The following RALGAPA2 variants were observed in gnomAD, a reference collection of about 807,000 sequenced individuals.
RALGAPA2 encodes Ral GTPase activating protein catalytic subunit alpha 2.
RALGAPA2 carries 139 observed loss-of-function variants against 230.4 expected under a neutral mutation model. The ratio of observed to expected loss-of-function variants is 0.60; its 90% CI spans 0.53 to 0.69. The LOEUF is 0.69. Ranked by LOEUF, RALGAPA2 falls within the 30% of genes least tolerant of loss-of-function variation. RALGAPA2 has a pLI of 0.00. For synonymous variants in RALGAPA2, 847 were observed against 837.8 expected, an observed-to-expected ratio of 1.01 and a Z score of -0.19; for missense variants, 2,163 against 2,276.0, an observed-to-expected ratio of 0.95 and a Z score of 1.01.
chr20:20,648,104 T>C (rs2067276450), intron 4 of RALGAPA2, among the ~76,000 whole-genome samples: 1 of 152,018 alleles, frequency 6.6e-6, no homozygotes, highest in Non-Finnish European at 1.5e-5. Flanking sequence ...AATACCTGAA[T>C]AAATTATGGA....
chr20:20,647,027 C>T (rs1488493865), intron 4 of RALGAPA2, among the ~76,000 whole-genome samples: 1 of 151,912 alleles, frequency 6.6e-6, no homozygotes, highest in East Asian at 1.9e-4. Flanking sequence ...ACTTTCCTGG[C>T]TCTGAAGAAA....
intron 36 of RALGAPA2, among the ~76,000 whole-genome samples, chr20:20,485,022 G>C (rs1176062574): frequency 6.6e-6 from 1 of 151,958 alleles, no homozygotes; most frequent in African/African-American, 2.4e-5. Context: ...CACAAATTCG[G>C]AACTTTCTTA....
intron 33 of RALGAPA2, 59 bp from the exon 34 acceptor site, chr20:20,505,593 A>G: frequency 7.3e-7 from 1 of 1,370,470 alleles, no homozygotes; most frequent in Non-Finnish European, 9.8e-7. Flanking sequence ...TTACTTCACT[A>G]CTATTAATAC....
chr20:20,518,804 G>A (rs573867986), intron 31 of RALGAPA2, among the ~76,000 whole-genome samples: 1 of 152,102 alleles, frequency 6.6e-6, no homozygotes, highest in East Asian at 1.9e-4. Context: ...CATGTTTTGG[G>A]GATATACTCA....
intron 38 of RALGAPA2, among the ~76,000 whole-genome samples, chr20:20,409,982 T>C (rs887798755): frequency 7.2e-5 from 11 of 152,236 alleles, no homozygotes; most frequent in African/African-American, 2.7e-4. Flanking sequence ...CCATGAACAC[T>C]ATGAAATGTA....
At chr20:20,608,962 G>C (rs2065901534) in intron 14 of RALGAPA2, among the ~76,000 whole-genome samples, 2 of 152,168 alleles carry the variant, frequency 1.3e-5, no homozygotes, top group Non-Finnish European at 2.9e-5. Context: ...ATGCCAAAAA[G>C]CTCATCCTCT....
At chr20:20,474,926 C>T (rs571590586) in intron 36 of RALGAPA2, among the ~76,000 whole-genome samples, 2 of 152,214 alleles carry the variant, frequency 1.3e-5, no homozygotes, top group South Asian at 2.1e-4. Context: ...AGAAAAGAGA[C>T]TCAATGACTA....
At chr20:20,694,716 C>T (rs772914251) in intron 1 of RALGAPA2, among the ~76,000 whole-genome samples, 1 of 152,140 alleles carries the variant, frequency 6.6e-6, no homozygotes, top group Non-Finnish European at 1.5e-5. Context: ...GTCAAAAACA[C>T]AGTGTTAGAC....
chr20:20,622,179 G>T (rs896381269), intron 10 of RALGAPA2, among the ~76,000 whole-genome samples: 2 of 151,638 alleles, frequency 1.3e-5, no homozygotes, highest in Non-Finnish European at 2.9e-5. Context: ...ACTATGAAGA[G>T]ATAAAAGAAT....
At chr20:20,438,027 CATGGG>C (rs2060652474) in intron 37 of RALGAPA2, among the ~76,000 whole-genome samples, 1 of 152,200 alleles carries the variant, frequency 6.6e-6, no homozygotes, top group Non-Finnish European at 1.5e-5. Context: ...CAATGGACCC[CATGGG>C]GATCTTCTGG....
chr20:20,510,315 CCTT>C (rs562798635), intron 33 of RALGAPA2, among the ~76,000 whole-genome samples: 59 of 152,316 alleles, frequency 3.9e-4, no homozygotes, highest in Admixed American at 7.8e-4. Flanking sequence ...TTCCTTTCTT[CCTT>C]CTTACTTCTC....
Position 20,513,157 on chromosome 20 carries a change from C to T in RALGAPA2, c.4212G>A (p.Glu1404=). ...CTTCCACATGGGCATTGTCATGGTT[C>T]TCGCTGACAAGGCTGTGCAGTATGG... ...GPAILHSLVS[E]NHDNAHVEGS... Residue 1404 remains glutamate (E), a synonymous_variant, in exon 32 of 40, where the codon GAG becomes GAA. Transcript: ENST00000202677. The T allele has an allele frequency of 1.9e-6, 3 of 1,555,964 alleles. No homozygotes were observed. The highest frequency in any genetic ancestry group is 2.6e-6 in the Non-Finnish European group (3 of 1,154,964).
At chr20:20,649,898 G>A (rs953024515) in intron 4 of RALGAPA2, among the ~76,000 whole-genome samples, 21 of 152,282 alleles carry the variant, frequency 1.4e-4, no homozygotes, top group South Asian at 1.0e-3. Context: ...GCCCAGAAAT[G>A]AGATGTCAAG....
intron 18 of RALGAPA2, among the ~76,000 whole-genome samples, chr20:20,585,640 C>A (rs1402118764): frequency 6.6e-6 from 1 of 152,150 alleles, no homozygotes; most frequent in Non-Finnish European, 1.5e-5. Flanking sequence ...CTGTTCAAGA[C>A]AGCAATGGAC....
Position 20,472,956 on chromosome 20 carries a change from C to A in RALGAPA2, c.5368G>T (p.Val1790Phe), listed in dbSNP as rs866502917. ...FFIAITKKPEVPFFGPLFDGA... is the reference protein window; with the variant it reads ...FFIAITKKPEFPFFGPLFDGA... ...TCAAACAGAGGCCCAAAAAATGGAA[C>A]CTGTTGATTTGAAATGGAAAAACAA... The change falls in exon 37 of 40, where the codon GTT becomes TTT. Residue 1790 changes from valine to phenylalanine, a missense_variant and splice_region_variant. Transcript: ENST00000202677. 1.3e-6 allele frequency: 2 copies of A among 1,591,068 alleles called. No homozygotes were observed. The highest frequency in any genetic ancestry group is 1.4e-5 in the African/African-American group (1 of 73,230).
At chr20:20,573,873 T>A (rs1207554579) in intron 20 of RALGAPA2, among the ~76,000 whole-genome samples, 1 of 152,242 alleles carries the variant, frequency 6.6e-6, no homozygotes, top group Non-Finnish European at 1.5e-5. Flanking sequence ...TTTTTGGCAA[T>A]TATGAATACA....
At chr20:20,543,526 T>C (rs532090180) in intron 24 of RALGAPA2, among the ~76,000 whole-genome samples, 1 of 152,294 alleles carries the variant, frequency 6.6e-6, no homozygotes, top group East Asian at 1.9e-4. Context: ...GTGGCACATA[T>C]ACACCATGGA....
At position 20,712,606 on chromosome 20, in the gene RALGAPA2, C is replaced by T. The variant is rs910939139; in HGVS notation, c.-126G>A. ...TCGCCGCCCCCAGCCCCGCTGCTGC[C>T]GCCGCCGCCGCCGCCGCCGCCGCCT... On this transcript the variant is annotated 5_prime_UTR_variant, in exon 1 of 40. Coordinates refer to ENST00000202677, the MANE Select transcript of RALGAPA2 (RefSeq NM_020343.4). This position sits in a 1 kb window ranked among gnomAD's most constrained non-coding sequence, Gnocchi z 5.5. 1.2e-4 allele frequency: 136 copies of T among 1,089,216 alleles called. No individual in the cohort carries two copies. Among genetic ancestry groups the T allele is most frequent in the Non-Finnish European group, 1.4e-4 (126 of 879,824 alleles). 67.5% of individuals were successfully genotyped at this position (1,089,216 alleles called of 1,614,324 possible). A position where few individuals can be genotyped will look rare whatever the true frequency, so the allele number is the denominator to read the frequency against.
chr20:20,679,520 A>G (rs1220429756), intron 2 of RALGAPA2, among the ~76,000 whole-genome samples: 3 of 152,238 alleles, frequency 2.0e-5, no homozygotes, highest in Admixed American at 6.5e-5. Context: ...AACCACCTCC[A>G]GAACAAAGTC....
Sources: gnomAD v4.1 joint callset for allele counts (sites outside exome capture counted in the v4.1 genomes callset) on GRCh38, gnomAD v4.1.1 for gene constraint, Gnocchi (gnomAD v3.1) non-coding constraint, MANE v1.5 for transcripts, NCBI Gene and HGNC (gene_info 2026-07-23, HGNC 2026-07-21) for gene names.